FGD6: variants seen among roughly 807,000 people sequenced by gnomAD.
FGD6 encodes FYVE, RhoGEF and PH domain-containing protein 6.
Under a neutral mutation model 149.4 loss-of-function variants are expected in FGD6, and 90 were observed. That is an observed-to-expected ratio of 0.60 (90% confidence interval 0.51 to 0.72). The LOEUF (loss-of-function observed/expected upper bound fraction) is 0.72, where lower values mean the gene tolerates loss of function less well. Among genes scored for constraint, FGD6 ranks in the 30% least tolerant of loss-of-function variants. FGD6 has a pLI of 0.00. For missense variants in FGD6, 1,437 were observed against 1,684.8 expected, an observed-to-expected ratio of 0.85 and a Z score of 2.57; for synonymous variants, 527 against 584.0, an observed-to-expected ratio of 0.90 and a Z score of 1.41.
At chr12:95,126,043 T>C (rs2136251426) in intron 8 of FGD6, 2 of 1,312,986 alleles carry the variant, frequency 1.5e-6, no homozygotes, top group African/African-American at 2.9e-5. Flanking sequence ...GCCAGGAAGA[T>C]TGAAGCCAGA....
At position 95,080,767 on chromosome 12, in the gene FGD6, A is replaced by AT. The variant is rs757029147; in HGVS notation, c.*752dup. On this transcript the variant is annotated 3_prime_UTR_variant, in exon 21 of 21. Coordinates refer to ENST00000343958, the MANE Select transcript of FGD6 (RefSeq NM_018351.4). ...ATTTATGTTTGTTTCGAAGTGGTAG[A>AT]TTTTTTAAAAGATTGGACTTAAAAG... 12 of 152,276 alleles carry AT rather than the reference A, an allele frequency of 7.9e-5. No homozygotes were observed. In the East Asian group the frequency reaches 1.4e-3, roughly 17 times the overall value. 9.4% of individuals were successfully genotyped at this position (152,276 alleles called of 1,614,324 possible). A position where few individuals can be genotyped will look rare whatever the true frequency, so the allele number is the denominator to read the frequency against.
At chr12:95,177,803 T>G (rs895627423) in intron 2 of FGD6, among the ~76,000 whole-genome samples, 1 of 152,214 alleles carries the variant, frequency 6.6e-6, no homozygotes, top group African/African-American at 2.4e-5. Context: ...ATTATTTCTA[T>G]TTTGTTTTAC....
At chr12:95,126,758 G>GA (rs1879358268) in intron 8 of FGD6, among the ~76,000 whole-genome samples, 1 of 149,460 alleles carries the variant, frequency 6.7e-6, no homozygotes, top group South Asian at 2.1e-4. Flanking sequence ...AAAAGAAAAA[G>GA]AAAAAACAGA....
At chr12:95,174,546 T>G (rs975454824) in intron 2 of FGD6, among the ~76,000 whole-genome samples, 5 of 152,142 alleles carry the variant, frequency 3.3e-5, no homozygotes, top group African/African-American at 1.2e-4. Flanking sequence ...AAAAGGCTTT[T>G]TGATCCAGCC....
At chr12:95,174,096 T>A (rs1881065679) in intron 2 of FGD6, among the ~76,000 whole-genome samples, 1 of 152,016 alleles carries the variant, frequency 6.6e-6, no homozygotes, top group Non-Finnish European at 1.5e-5. Flanking sequence ...GTAAGGTGGG[T>A]GCATACTTTA....
intron 2 of FGD6, among the ~76,000 whole-genome samples, chr12:95,191,563 AG>A (rs1170321158): frequency 1.3e-5 from 2 of 152,168 alleles, no homozygotes; most frequent in Admixed American, 6.5e-5. Context: ...GCTGGGGCCA[AG>A]GATACAAAGG....
intron 20 of FGD6, among the ~76,000 whole-genome samples, chr12:95,083,178 G>A (rs1477548777): frequency 6.7e-6 from 1 of 150,180 alleles, no homozygotes; most frequent in Non-Finnish European, 1.5e-5. Context: ...ATTTAATATT[G>A]AACATAAATA....
At chr12:95,144,248 G>A (rs1052028872) in intron 5 of FGD6, among the ~76,000 whole-genome samples, 7 of 152,156 alleles carry the variant, frequency 4.6e-5, no homozygotes, top group Admixed American at 2.6e-4. Context: ...CAGGTAGCTC[G>A]GAATGGACTG....
Position 95,154,839 on chromosome 12 carries a change from T to C in FGD6, c.2587-1846A>G, listed in dbSNP as rs529474944. ...TGGTAGCAACTTCTCTCTAAAGTAGTCTTCTTTTTAACATTGGAATCATGG... is the reference window on the plus strand; with the variant it reads ...TGGTAGCAACTTCTCTCTAAAGTAGCCTTCTTTTTAACATTGGAATCATGG... On this transcript the variant is annotated intron_variant, in intron 3 of 20. Coordinates refer to ENST00000343958, the MANE Select transcript of FGD6 (RefSeq NM_018351.4). Among the ~76,000 whole-genome samples the C allele has an allele frequency of 3.3e-5, 5 of 152,286 alleles. No homozygotes were observed. In the South Asian group the frequency reaches 6.2e-4, roughly 19 times the overall value.
chr12:95,212,170 C>A (rs983927507), intron 1 of FGD6, among the ~76,000 whole-genome samples: 1 of 152,124 alleles, frequency 6.6e-6, no homozygotes, highest in Non-Finnish European at 1.5e-5. Flanking sequence ...TATTCCTTCA[C>A]GGAGCTCTAT....
At chr12:95,158,134 G>C (rs1880530044) in intron 3 of FGD6, among the ~76,000 whole-genome samples, 1 of 145,206 alleles carries the variant, frequency 6.9e-6, no homozygotes, top group Non-Finnish European at 1.5e-5. Flanking sequence ...ACAGGCATGA[G>C]CCACCGTGCC....
chr12:95,140,351 T>C (rs2136262285), intron 6 of FGD6, among the ~76,000 whole-genome samples: 1 of 152,330 alleles, frequency 6.6e-6, no homozygotes, highest in South Asian at 2.1e-4. Context: ...TACAAGCATG[T>C]CATACATATA....
At chr12:95,145,623 G>C (rs1395790204) in intron 5 of FGD6, among the ~76,000 whole-genome samples, 3 of 152,114 alleles carry the variant, frequency 2.0e-5, no homozygotes, top group African/African-American at 7.2e-5. Flanking sequence ...TATATTTGGA[G>C]TTGAGCCCAA....
chr12:95,098,867 ATTTTTTT>A (rs63204961), intron 14 of FGD6, among the ~76,000 whole-genome samples: 5 of 126,748 alleles, frequency 3.9e-5, no homozygotes, highest in Non-Finnish European at 6.4e-5. Context: ...GGCCCTTTTA[ATTTTTTT>A]TTTTTTTTTT....
intron 5 of FGD6, among the ~76,000 whole-genome samples, chr12:95,149,581 C>T (rs1880233549): frequency 7.2e-6 from 1 of 138,612 alleles, no homozygotes; most frequent in Non-Finnish European, 1.5e-5. Context: ...ATCCCTTGAG[C>T]CTAGAAGTTC....
At chr12:95,114,675 A>G (rs1878953718) in intron 8 of FGD6, among the ~76,000 whole-genome samples, 1 of 152,194 alleles carries the variant, frequency 6.6e-6, no homozygotes, top group African/African-American at 2.4e-5. Flanking sequence ...AGAAGAACCT[A>G]TATTTAATAA....
chr12:95,126,423 T>A (rs1043879808), intron 8 of FGD6: 36 of 1,187,278 alleles, frequency 3.0e-5, no homozygotes, highest in Non-Finnish European at 3.7e-5. Flanking sequence ...AAAGGTTCTT[T>A]AAAAAAAACA....
intron 2 of FGD6, among the ~76,000 whole-genome samples, chr12:95,176,987 C>T (rs1881152514): frequency 6.6e-6 from 1 of 152,218 alleles, no homozygotes; most frequent in African/African-American, 2.4e-5. Flanking sequence ...GCCACCATGC[C>T]CAGCTAATTT....
intron 18 of FGD6, among the ~76,000 whole-genome samples, chr12:95,086,910 C>A (rs1446065818): frequency 7.1e-6 from 1 of 140,294 alleles, no homozygotes; most frequent in South Asian, 2.3e-4. Flanking sequence ...TGCAGTGGCA[C>A]AATCTCAGCT....
Sources: allele counts gnomAD v4.1 joint callset (sites outside exome capture counted in the v4.1 genomes callset), GRCh38; gene constraint gnomAD v4.1.1; transcripts MANE v1.5; gene names NCBI Gene and HGNC (gene_info 2026-07-23, HGNC 2026-07-21).